Variants in ARMC2 observed in about 807,000 individuals in gnomAD.
ARMC2 encodes the protein armadillo repeat-containing protein 2.
Under a neutral mutation model 90.3 loss-of-function variants are expected in ARMC2, and 67 were observed. The ratio of observed to expected loss-of-function variants is 0.74; its 90% confidence interval spans 0.61 to 0.91. The LOEUF (loss-of-function observed/expected upper bound fraction) is 0.91, where lower values mean the gene tolerates loss of function less well. ARMC2 is among the 40% of genes least tolerant of loss of function. The pLI is 0.00. For synonymous variants in ARMC2, 393 were observed against 393.0 expected, an observed-to-expected ratio of 1.00 and a Z score of 0.00; for missense variants, 920 against 1,030.9, an observed-to-expected ratio of 0.89 and a Z score of 1.47.
chr6:109,006,388 T>G, the ARMC2 span, among the ~76,000 whole-genome samples: 4 of 152,128 alleles, frequency 2.6e-5, no homozygotes, highest in Non-Finnish European at 4.4e-5. Context: ...CATGTTGGTT[T>G]GCTGCACCCA....
At chr6:108,875,545 C>T (rs1042658663) in intron 4 of ARMC2, among the ~76,000 whole-genome samples, 2 of 152,184 alleles carry the variant, frequency 1.3e-5, no homozygotes, top group Non-Finnish European at 2.9e-5. Context: ...AGGGTTTGTC[C>T]TCCCTACCCT....
At chr6:108,857,068 T>A (rs114348891) in intron 2 of ARMC2, among the ~76,000 whole-genome samples, 1,796 of 152,314 alleles carry the variant, frequency 0.012, 34 homozygotes, top group African/African-American at 0.042. Context: ...TGTCTCTCCA[T>A]AGAAACTTTA....
chr6:108,852,688 C>A (rs1232018019), intron 1 of ARMC2, among the ~76,000 whole-genome samples: 1 of 152,132 alleles, frequency 6.6e-6, no homozygotes, highest in Non-Finnish European at 1.5e-5. Flanking sequence ...TGCCAGATTA[C>A]TTTTGGACAT....
chr6:108,928,051 G>T, intron 10 of ARMC2, 37 bp from the exon 11 acceptor site: 1 of 1,569,272 alleles, frequency 6.4e-7, no homozygotes, highest in Non-Finnish European at 8.6e-7. Flanking sequence ...TATTTTTTCA[G>T]TTCAAAAAAA....
At chr6:108,896,173 C>T (rs964092300) in intron 6 of ARMC2, among the ~76,000 whole-genome samples, 2 of 152,140 alleles carry the variant, frequency 1.3e-5, no homozygotes, top group Admixed American at 6.5e-5. Flanking sequence ...GTGCTAAAAA[C>T]ATCAGCCAAT....
At position 108,961,609 on chromosome 6, in the gene ARMC2, C is replaced by T. The variant is rs1018660510; in HGVS notation, c.1953C>T (p.Ile651=). ...TTGATGATTGTGAGGAGCTGGTGAT[C>T]AATGCTACAGCGACAATCAACAATT... is the stretch of plus-strand genomic sequence containing the variant. ...KSLDDCEELV[I]NATATINNLS... The change falls in exon 14 of 18, where the codon ATC becomes ATT. Residue 651 remains isoleucine, a synonymous_variant. Coordinates refer to ENST00000392644, the MANE Select transcript of ARMC2 (RefSeq NM_032131.6). The T allele has an allele frequency of 1.2e-6, 2 of 1,611,268 alleles. No homozygotes were observed. The highest frequency in any genetic ancestry group is 1.7e-6 in the Non-Finnish European group (2 of 1,178,994).
chr6:109,033,877 T>C, the ARMC2 span, among the ~76,000 whole-genome samples: 2 of 152,216 alleles, frequency 1.3e-5, no homozygotes, highest in South Asian at 2.1e-4. Context: ...AGTGATAAGA[T>C]GACAATCAGA....
At chr6:108,852,738 C>G (rs1562314509) in intron 1 of ARMC2, among the ~76,000 whole-genome samples, 1 of 152,118 alleles carries the variant, frequency 6.6e-6, no homozygotes, top group Non-Finnish European at 1.5e-5. Flanking sequence ...AAAGGGGTGG[C>G]AAACCTGATT....
chr6:109,040,284 T>C, the ARMC2 span, among the ~76,000 whole-genome samples: 2 of 152,200 alleles, frequency 1.3e-5, no homozygotes, highest in Non-Finnish European at 2.9e-5. Flanking sequence ...TTTTATTATA[T>C]TTAAATACAC....
At chr6:108,994,419 G>C in the ARMC2 span, 6 of 1,506,928 alleles carry the variant, frequency 4.0e-6, no homozygotes, top group African/African-American at 5.6e-5. Flanking sequence ...ATAAAAAGTT[G>C]AGTTTGCAAT....
At chr6:108,950,840 C>T (rs1777131088) in intron 12 of ARMC2, among the ~76,000 whole-genome samples, 1 of 152,204 alleles carries the variant, frequency 6.6e-6, no homozygotes, top group African/African-American at 2.4e-5. Context: ...TTCCACATAT[C>T]TCTGCATCTC....
the ARMC2 span, among the ~76,000 whole-genome samples, chr6:109,010,378 A>G: frequency 1.3e-5 from 2 of 152,182 alleles, no homozygotes; most frequent in Non-Finnish European, 2.9e-5. Context: ...AAAGAAACAA[A>G]TTCCTAAATT....
chr6:108,926,392 G>A (rs984575853), intron 10 of ARMC2, among the ~76,000 whole-genome samples: 11 of 152,206 alleles, frequency 7.2e-5, no homozygotes, highest in African/African-American at 2.2e-4. Context: ...TTTTATGACA[G>A]CAATGGAATT....
At chr6:108,931,993 G>A (rs1044179174) in intron 11 of ARMC2, among the ~76,000 whole-genome samples, 6 of 151,876 alleles carry the variant, frequency 4.0e-5, no homozygotes, top group African/African-American at 9.7e-5. Context: ...TTGAACTCCC[G>A]ACCTCAGGTG....
At chr6:108,968,139 G>A (rs1778505216) in intron 17 of ARMC2, among the ~76,000 whole-genome samples, 1 of 152,192 alleles carries the variant, frequency 6.6e-6, no homozygotes, top group African/African-American at 2.4e-5. Context: ...GCTGCATGTG[G>A]ATTGGCTAAC....
At chr6:108,893,197 A>T (rs557644301) in intron 5 of ARMC2, among the ~76,000 whole-genome samples, 2 of 152,256 alleles carry the variant, frequency 1.3e-5, no homozygotes, top group Non-Finnish European at 2.9e-5. Flanking sequence ...TTGGCCAGCC[A>T]CTGCTCTTTT....
chr6:108,913,244 ATAAT>A (rs1456972892), intron 10 of ARMC2, among the ~76,000 whole-genome samples: 52 of 152,346 alleles, frequency 3.4e-4, no homozygotes, highest in African/African-American at 1.3e-3. Context: ...CTTTGATGTA[ATAAT>A]TCATAGGATT....
chr6:108,931,087 C>G (rs968904921), intron 11 of ARMC2, among the ~76,000 whole-genome samples: 5 of 151,650 alleles, frequency 3.3e-5, no homozygotes, highest in Non-Finnish European at 7.4e-5. Context: ...CCTCCACCCT[C>G]AAGTAGACCC....
At chr6:108,936,527 A>C (rs1775976242) in intron 11 of ARMC2, among the ~76,000 whole-genome samples, 1 of 152,216 alleles carries the variant, frequency 6.6e-6, no homozygotes, top group Non-Finnish European at 1.5e-5. Flanking sequence ...AAGTGCTGGG[A>C]TTACAGGCGT....
Sources: allele counts gnomAD v4.1 joint callset (sites outside exome capture counted in the v4.1 genomes callset), GRCh38; gene constraint gnomAD v4.1.1; transcripts MANE v1.5; gene names NCBI Gene and HGNC (gene_info 2026-07-23, HGNC 2026-07-21).